PITPNM2: variants seen among roughly 807,000 people sequenced by gnomAD.
PITPNM2 encodes the protein phosphatidylinositol transfer protein membrane associated 2.
Under a neutral mutation model 132.2 loss-of-function variants are expected in PITPNM2, and 35 were observed. The observed-to-expected ratio is 0.26, with a 90% CI of 0.20 to 0.35. The LOEUF (loss-of-function observed/expected upper bound fraction) is 0.35, where lower values mean the gene tolerates loss of function less well. PITPNM2 is among the 10% of genes least tolerant of loss of function. The pLI, the probability that PITPNM2 is intolerant of heterozygous loss-of-function variation, is 1.00. For missense variants in PITPNM2, 1,332 were observed against 1,912.0 expected (o/e 0.70, Z 5.66); for synonymous variants, 738 against 799.2 (o/e 0.92, Z 1.29).
At chr12:123,126,664 T>A (rs374963539) in intron 1 of PITPNM2, among the ~76,000 whole-genome samples, 1 of 152,076 alleles carries the variant, frequency 6.6e-6, no homozygotes, top group East Asian at 1.9e-4. Flanking sequence ...CAGACACACA[T>A]CCATCCACCC....
chr12:123,140,969 A>G (rs1253426312), intron 1 of PITPNM2, among the ~76,000 whole-genome samples: 1 of 152,176 alleles, frequency 6.6e-6, no homozygotes, highest in Non-Finnish European at 1.5e-5. Flanking sequence ...AAGGGAAAAA[A>G]AAAAACCCCA....
Position 123,097,467 on chromosome 12 carries a change from C to T in PITPNM2, c.-96+12918G>A, listed in dbSNP as rs1461550783. On this transcript the variant is annotated intron_variant, in intron 2 of 25. Transcript: ENST00000320201. The surrounding 1 kb of genome is among the most constrained non-coding windows in gnomAD (Gnocchi z 4.7). ...CCTCTCCTTGGCAGACCCTCCCTCG[C>T]TCCTCTACCCTCGACCCCACAGGCA... Among the ~76,000 whole-genome samples the T allele has an allele frequency of 2.6e-5, 4 of 152,224 alleles. No individual in the cohort carries two copies. Among genetic ancestry groups the T allele is most frequent in the Non-Finnish European group, 5.9e-5 (4 of 68,038 alleles).
At chr12:123,028,008 C>A (rs771858934) in intron 3 of PITPNM2, among the ~76,000 whole-genome samples, 3 of 152,214 alleles carry the variant, frequency 2.0e-5, no homozygotes, top group African/African-American at 4.8e-5. Context: ...AACAGTGCTG[C>A]GGTACTGTTT....
intron 2 of PITPNM2, among the ~76,000 whole-genome samples, chr12:123,102,671 T>C (rs1274876081): frequency 6.6e-6 from 1 of 152,122 alleles, no homozygotes; most frequent in East Asian, 1.9e-4. Context: ...TGAATCCCAC[T>C]AGCCACAGGA....
At chr12:123,136,898 A>AAAT (rs891292986) in intron 1 of PITPNM2, among the ~76,000 whole-genome samples, 1 of 152,212 alleles carries the variant, frequency 6.6e-6, no homozygotes, top group Non-Finnish European at 1.5e-5. Context: ...GTCTCAAAAA[A>AAAT]AATAATAATA....
intron 2 of PITPNM2, among the ~76,000 whole-genome samples, chr12:123,100,902 G>C (rs1397242431): frequency 6.6e-6 from 1 of 152,126 alleles, no homozygotes; most frequent in Non-Finnish European, 1.5e-5. Context: ...TAACTCCCTG[G>C]TTCCAGAAGC....
chr12:123,057,021 G>A (rs572586857), intron 2 of PITPNM2, among the ~76,000 whole-genome samples: 1 of 152,258 alleles, frequency 6.6e-6, no homozygotes, highest in Admixed American at 6.5e-5. Flanking sequence ...AGAAAAGCGC[G>A]TCTGAGTGTG....
intron 3 of PITPNM2, among the ~76,000 whole-genome samples, chr12:123,027,581 A>C (rs2136384471): frequency 6.6e-6 from 1 of 152,340 alleles, no homozygotes; most frequent in Middle Eastern, 3.4e-3. Context: ...GAGTACCACC[A>C]ACTGTGCAGG....
intron 1 of PITPNM2, among the ~76,000 whole-genome samples, chr12:123,112,419 G>A (rs893349223): frequency 3.3e-5 from 5 of 152,120 alleles, no homozygotes; most frequent in African/African-American, 9.7e-5. Context: ...CCATACACAC[G>A]TAGTCACAGT....
chr12:123,013,897 G>A lies in PITPNM2; in HGVS notation c.224C>T (p.Ser75Phe). 3 of 1,614,274 alleles carry A rather than the reference G, an allele frequency of 1.9e-6. No individual in the cohort carries two copies. The highest frequency in any genetic ancestry group is 2.5e-6 in the Non-Finnish European group (3 of 1,180,042). ...CCGCAGGGCTGCCTTGGGCAGGATG[G>A]AGCGGAACCAGCTGGGAATGTGCAT... ...VGMHIPSWFR[S>F]ILPKAALRVV... The change falls in exon 4 of 26, where the codon TCC becomes TTC. Residue 75 changes from serine (S) to phenylalanine (F), a missense_variant. By Grantham distance (155) the Ser-to-Phe change is radical. Coordinates refer to ENST00000320201, the MANE Select transcript of PITPNM2 (RefSeq NM_020845.3).
At chr12:122,991,006 C>A (rs373817393) in intron 16 of PITPNM2, among the ~76,000 whole-genome samples, 1 of 152,210 alleles carries the variant, frequency 6.6e-6, no homozygotes, top group Non-Finnish European at 1.5e-5. Flanking sequence ...AGCTTGTCTC[C>A]AGCACCCCAG....
chr12:123,098,056 G>A (rs1389141199), intron 2 of PITPNM2, among the ~76,000 whole-genome samples: 2 of 152,218 alleles, frequency 1.3e-5, no homozygotes, highest in East Asian at 3.8e-4. Flanking sequence ...GAGAAAGAGA[G>A]AAGAATCAAA....
At chr12:123,030,672 G>A (rs1184104572) in intron 3 of PITPNM2, among the ~76,000 whole-genome samples, 6 of 150,284 alleles carry the variant, frequency 4.0e-5, no homozygotes, top group African/African-American at 7.4e-5. Context: ...CACCCTGGGC[G>A]ACAGAGCGAG....
At chr12:122,987,259 T>TG (rs2037977188) in intron 23 of PITPNM2, 22 bp downstream of exon 23, 1 of 1,608,950 alleles carries the variant, frequency 6.2e-7, no homozygotes, top group Non-Finnish European at 8.5e-7. Context: ...ACAGCCCCTT[T>TG]GTGCCCCTCT....
At chr12:123,121,620 CATT>C (rs1231944462) in intron 1 of PITPNM2, among the ~76,000 whole-genome samples, 3 of 152,070 alleles carry the variant, frequency 2.0e-5, no homozygotes, top group Non-Finnish European at 4.4e-5. Flanking sequence ...GATTACAGCT[CATT>C]GCAACCTTGA....
Position 123,079,355 on chromosome 12 carries a change from T to C in PITPNM2, c.-96+31030A>G, listed in dbSNP as rs1277373463. ...TTCTTTTTCTTTTTTCTTTTCTTTT[T>C]TTTTTTTTTTTTTTTTTTTTTTTTT... is the stretch of plus-strand genomic sequence containing the variant. On this transcript the variant is annotated intron_variant, in intron 2 of 25. Coordinates refer to ENST00000320201, the MANE Select transcript of PITPNM2 (RefSeq NM_020845.3). Among the ~76,000 whole-genome samples the C allele has an allele frequency of 8.6e-4, 83 of 96,774 alleles. 3 individuals are homozygous for C. The East Asian group carries it at 0.018, about 20-fold the overall frequency. 63.5% of individuals were successfully genotyped at this position (96,774 alleles called of 152,430 possible). A position where few individuals can be genotyped will look rare whatever the true frequency, so the allele number is the denominator to read the frequency against.
rs773737509 is a variant in PITPNM2, at chr12:122,991,435, C to T, written c.2405-726G>A. ...AAGCTTCCCCAGGTGAGGGGTGGGC[C>T]CGGCTGGCTCAAGGCCTCAGTCTGC... On this transcript the variant is annotated intron_variant, in intron 16 of 25. Transcript: ENST00000320201. Among the ~76,000 whole-genome samples the T allele has an allele frequency of 6.6e-5, 10 of 152,320 alleles. No individual in the cohort carries two copies. In the East Asian group the frequency reaches 1.7e-3, roughly 26 times the overall value.
chr12:123,126,255 T>G (rs2043139777), intron 1 of PITPNM2, among the ~76,000 whole-genome samples: 1 of 152,116 alleles, frequency 6.6e-6, no homozygotes. Context: ...TTCAGTGAGT[T>G]GAATATAACT....
chr12:123,094,543 G>A (rs1018943283), intron 2 of PITPNM2, among the ~76,000 whole-genome samples: 3 of 152,216 alleles, frequency 2.0e-5, no homozygotes, highest in Non-Finnish European at 2.9e-5. Flanking sequence ...GTCCTCTGGG[G>A]ACGTTACCCA....
Sources: allele counts gnomAD v4.1 joint callset (sites outside exome capture counted in the v4.1 genomes callset), GRCh38; gene constraint gnomAD v4.1.1; non-coding constraint Gnocchi (gnomAD v3.1); transcripts MANE v1.5; gene names NCBI Gene and HGNC (gene_info 2026-07-23, HGNC 2026-07-21).